Variants in PDE10A observed in about 807,000 individuals in gnomAD.
PDE10A encodes phosphodiesterase 10A.
A neutral mutation model predicts 97.7 loss-of-function variants in PDE10A; 39 were observed. That is an observed-to-expected ratio of 0.40 (90% CI 0.31 to 0.52). The LOEUF (loss-of-function observed/expected upper bound fraction) is 0.52, where lower values mean the gene tolerates loss of function less well. Among genes scored for constraint, PDE10A ranks in the 20% least tolerant of loss-of-function variants. The pLI is 0.56. For missense variants in PDE10A, 731 were observed against 1,047.8 expected (o/e 0.70, Z 4.17); for synonymous variants, 371 against 376.8 (o/e 0.98, Z 0.18).
At chr6:165,678,273 G>A (rs868855669) in intron 1 of PDE10A, among the ~76,000 whole-genome samples, 212 of 151,042 alleles carry the variant, frequency 1.4e-3, no homozygotes, top group African/African-American at 4.8e-3. Flanking sequence ...GTCTGTGTAT[G>A]TGTGTGTGTC....
intron 1 of PDE10A, among the ~76,000 whole-genome samples, chr6:165,720,420 G>T (rs901207655): frequency 2.0e-5 from 3 of 152,132 alleles, no homozygotes; most frequent in African/African-American, 7.2e-5. Context: ...AGCGGAATGG[G>T]CTGCACTTCA....
chr6:165,885,460 A>G (rs918513808), intron 1 of PDE10A, among the ~76,000 whole-genome samples: 1 of 152,216 alleles, frequency 6.6e-6, no homozygotes, highest in African/African-American at 2.4e-5. Context: ...ACCTCCCGCC[A>G]GGTGCCTCCC....
chr6:165,886,593 G>C (rs1205268576), intron 1 of PDE10A, among the ~76,000 whole-genome samples: 1 of 152,206 alleles, frequency 6.6e-6, no homozygotes, highest in Non-Finnish European at 1.5e-5. Flanking sequence ...AAATCAGAAG[G>C]AAACAAAATG....
chr6:165,848,413 G>A (rs1007277336), intron 1 of PDE10A, among the ~76,000 whole-genome samples: 6 of 152,116 alleles, frequency 3.9e-5, no homozygotes, highest in African/African-American at 7.2e-5. Context: ...ACTTTACGTC[G>A]GGCTGTTAGG....
rs909734815 is a variant in PDE10A at position 165,329,477 on chromosome 6, G to C, written c.*3548C>G. ...AATAAAGGCACAGGCCAAGGCAGGTGAATAATTTAGTCCTATTAAAGCTCA... is the reference window on the plus strand; with the variant it reads ...AATAAAGGCACAGGCCAAGGCAGGTCAATAATTTAGTCCTATTAAAGCTCA... On this transcript the variant is annotated 3_prime_UTR_variant, in exon 22 of 22. Coordinates refer to ENST00000539869, the MANE Select transcript of PDE10A (RefSeq NM_001385079.1). 1.3e-5 allele frequency: 2 copies of C among 152,172 alleles called. No homozygotes were observed. The highest frequency in any genetic ancestry group is 2.9e-5 in the Non-Finnish European group (2 of 68,006). 9.4% of individuals were successfully genotyped at this position (152,172 alleles called of 1,614,324 possible). A position where few individuals can be genotyped will look rare whatever the true frequency, so the allele number is the denominator to read the frequency against.
chr6:165,418,330 A>G lies in PDE10A; in HGVS notation c.1796+305T>C, dbSNP rs1206769823. 6.6e-6 allele frequency among the ~76,000 whole-genome samples: 1 copy of G among 152,176 alleles called. No individual in the cohort carries two copies. The highest frequency in any genetic ancestry group is 2.4e-5 in the African/African-American group (1 of 41,444). ...GGACATGGGAAAACCTGCAGATTCC[A>G]GGTGGAGTGTACCTTTACCTACCTG... On this transcript the variant is annotated intron_variant, in intron 11 of 21. Transcript: ENST00000539869. This position sits in a 1 kb window ranked among gnomAD's most constrained non-coding sequence, Gnocchi z 4.8.
At chr6:165,919,995 A>G (rs1562798325) in intron 1 of PDE10A, among the ~76,000 whole-genome samples, 1 of 152,168 alleles carries the variant, frequency 6.6e-6, no homozygotes, top group Admixed American at 6.5e-5. Context: ...TGTTAGACAT[A>G]TTCTAGTCAC....
intron 1 of PDE10A, among the ~76,000 whole-genome samples, chr6:165,944,254 G>A (rs1258633228): frequency 2.0e-5 from 3 of 152,184 alleles, no homozygotes; most frequent in Admixed American, 6.5e-5. Context: ...CAGGACACAT[G>A]GGGATTATTC....
intron 18 of PDE10A, 43 bp downstream of exon 18, chr6:165,379,151 A>G (rs376056574): frequency 2.3e-6 from 3 of 1,323,090 alleles, no homozygotes; most frequent in African/African-American, 3.0e-5. Flanking sequence ...TTTATTCCAG[A>G]TAACACTTTC....
At chr6:165,702,595 C>A (rs535440647) in intron 1 of PDE10A, among the ~76,000 whole-genome samples, 1 of 152,198 alleles carries the variant, frequency 6.6e-6, no homozygotes, top group Non-Finnish European at 1.5e-5. Context: ...TCAACTAATT[C>A]GCCAGGAACA....
chr6:165,764,845 C>T (rs1233176912), intron 1 of PDE10A, among the ~76,000 whole-genome samples: 1 of 152,302 alleles, frequency 6.6e-6, no homozygotes, highest in African/African-American at 2.4e-5. Flanking sequence ...CCACTGCTGG[C>T]TCGGGCAGCC....
At chr6:165,391,080 C>CAGT (rs1785680068) in intron 16 of PDE10A, among the ~76,000 whole-genome samples, 1 of 152,022 alleles carries the variant, frequency 6.6e-6, no homozygotes, top group Non-Finnish European at 1.5e-5. Flanking sequence ...ATGTGACTTT[C>CAGT]AGTAGTTTTA....
At chr6:165,434,510 G>A (rs567360678) in intron 6 of PDE10A, among the ~76,000 whole-genome samples, 3 of 152,134 alleles carry the variant, frequency 2.0e-5, no homozygotes, top group Admixed American at 6.5e-5. Flanking sequence ...GCTCCACTTT[G>A]TCTAGTTTCT....
chr6:165,983,561 T>C (rs1030899842), intron 1 of PDE10A, among the ~76,000 whole-genome samples: 1 of 152,236 alleles, frequency 6.6e-6, no homozygotes, highest in African/African-American at 2.4e-5. Context: ...CTTAAAATCA[T>C]TGACTACCAC....
chr6:165,602,476 C>T (rs73251538), intron 1 of PDE10A, among the ~76,000 whole-genome samples: 8,624 of 152,062 alleles, frequency 0.057, 799 homozygotes, highest in African/African-American at 0.2. Context: ...AGAAACTGAG[C>T]GGGAACAACA....
intron 1 of PDE10A, among the ~76,000 whole-genome samples, chr6:165,726,743 G>T (rs116535955): frequency 0.019 from 2,915 of 152,338 alleles, 34 homozygotes; most frequent in South Asian, 0.055. Flanking sequence ...CCATCTGCGG[G>T]CACCGGGAAG....
Position 165,619,200 on chromosome 6 carries a change from T to C in PDE10A, c.865+42747A>G, listed in dbSNP as rs1409912301. ...TAGTGTAGTGTAGTCTAGTGTAGTG[T>C]AATGTAGTGCAGTGTAGACTAGTGT... On this transcript the variant is annotated intron_variant, in intron 1 of 21. Coordinates refer to ENST00000539869, the MANE Select transcript of PDE10A (RefSeq NM_001385079.1). Among the ~76,000 whole-genome samples, 556 of 104,704 alleles carry C rather than the reference T, an allele frequency of 5.3e-3. 15 individuals are homozygous for C. The highest frequency in any genetic ancestry group is 0.032 in the African/African-American group (523 of 16,158). 68.7% of individuals were successfully genotyped at this position (104,704 alleles called of 152,430 possible). A position where few individuals can be genotyped will look rare whatever the true frequency, so the allele number is the denominator to read the frequency against.
At chr6:165,833,808 G>T (rs745400295) in intron 1 of PDE10A, among the ~76,000 whole-genome samples, 1 of 152,234 alleles carries the variant, frequency 6.6e-6, no homozygotes, top group Admixed American at 6.5e-5. Context: ...AGATCAGGTA[G>T]GAAAGGTGCA....
At chr6:165,345,931 C>A (rs1782275713) in intron 18 of PDE10A, among the ~76,000 whole-genome samples, 1 of 152,012 alleles carries the variant, frequency 6.6e-6, no homozygotes, top group Non-Finnish European at 1.5e-5. Flanking sequence ...GGAGGAAGGT[C>A]CAGCAGAGAG....
Sources: gnomAD v4.1 joint callset for allele counts (sites outside exome capture counted in the v4.1 genomes callset) on GRCh38, gnomAD v4.1.1 for gene constraint, Gnocchi (gnomAD v3.1) non-coding constraint, MANE v1.5 for transcripts, NCBI Gene and HGNC (gene_info 2026-07-23, HGNC 2026-07-21) for gene names.